The following DOCK2 variants were observed in gnomAD, a reference collection of about 807,000 sequenced individuals.
The protein encoded by DOCK2 is dedicator of cytokinesis protein 2.
In DOCK2, 87 loss-of-function variants were observed where a neutral mutation model predicts 248.9. That is an observed-to-expected ratio of 0.35 (90% CI 0.29 to 0.42). The LOEUF (loss-of-function observed/expected upper bound fraction) is 0.42, where lower values mean the gene tolerates loss of function less well. DOCK2 is among the 10% of genes least tolerant of loss of function. The probability of loss-of-function intolerance (pLI) is 1.00; values close to 1 mark genes in which losing one functional copy is unlikely to be tolerated. For missense variants in DOCK2, 1,747 were observed against 2,300.2 expected (o/e 0.76, Z 4.92); for synonymous variants, 805 against 821.6 (o/e 0.98, Z 0.35).
At chr5:169,772,138 T>C (rs1366066464) in intron 25 of DOCK2, among the ~76,000 whole-genome samples, 1 of 152,184 alleles carries the variant, frequency 6.6e-6, no homozygotes, top group Non-Finnish European at 1.5e-5. Context: ...GGATTCAGTC[T>C]CTGGTCCACA....
intron 32 of DOCK2, among the ~76,000 whole-genome samples, chr5:170,011,453 A>T (rs1213930788): frequency 6.7e-6 from 1 of 149,636 alleles, no homozygotes; most frequent in Non-Finnish European, 1.5e-5. Context: ...TAATGCAATT[A>T]AAAGATACAT....
chr5:169,925,352 T>A (rs368987247), intron 27 of DOCK2, among the ~76,000 whole-genome samples: 1 of 152,098 alleles, frequency 6.6e-6, no homozygotes, highest in East Asian at 1.9e-4. Context: ...GAGGCTGAGG[T>A]GGGCAGATCA....
intron 27 of DOCK2, chr5:169,883,089 G>T (rs901991820): frequency 6.4e-7 from 1 of 1,551,538 alleles, no homozygotes; most frequent in Non-Finnish European, 8.7e-7. Context: ...GTTCCTCTGT[G>T]CCTGGTGTGT....
At chr5:169,738,528 G>A (rs1388173790) in intron 22 of DOCK2, among the ~76,000 whole-genome samples, 1 of 152,224 alleles carries the variant, frequency 6.6e-6, no homozygotes, top group Non-Finnish European at 1.5e-5. Context: ...CCTTTAGGCT[G>A]TGCTTGGAAA....
At chr5:169,800,148 A>C (rs531766580) in intron 25 of DOCK2, among the ~76,000 whole-genome samples, 3 of 152,336 alleles carry the variant, frequency 2.0e-5, no homozygotes, top group African/African-American at 7.2e-5. Context: ...GTGTCATTAA[A>C]GCTGTGGCCT....
At chr5:169,898,869 G>A (rs1205149129) in intron 27 of DOCK2, among the ~76,000 whole-genome samples, 1 of 152,198 alleles carries the variant, frequency 6.6e-6, no homozygotes, top group African/African-American at 2.4e-5. Flanking sequence ...GTTGTGTAAA[G>A]CAGCAAGTCA....
Position 169,655,031 on chromosome 5 carries a change from G to A in DOCK2, c.127+545G>A, listed in dbSNP as rs549110389. On this transcript the variant is annotated intron_variant, in intron 2 of 51. Transcript: ENST00000520908. ...TGAAGCCAGGTGTCTACTGGGCTGCGTCCACCCATGGTGGTGTGCTTGTAG... is the reference window on the plus strand; with the variant it reads ...TGAAGCCAGGTGTCTACTGGGCTGCATCCACCCATGGTGGTGTGCTTGTAG... Among the ~76,000 whole-genome samples, 40 of 152,362 alleles carry A rather than the reference G, an allele frequency of 2.6e-4. 3 individuals are homozygous for A. The South Asian group carries it at 7.0e-3, about 27-fold the overall frequency.
intron 30 of DOCK2, among the ~76,000 whole-genome samples, chr5:170,005,071 A>T (rs936657859): frequency 7.2e-5 from 11 of 151,864 alleles, no homozygotes; most frequent in African/African-American, 2.4e-4. Flanking sequence ...GTATAATAAA[A>T]AAAAAAAAAA....
chr5:169,914,650 T>C (rs542494384), intron 27 of DOCK2, among the ~76,000 whole-genome samples: 1 of 152,342 alleles, frequency 6.6e-6, no homozygotes, highest in South Asian at 2.1e-4. Flanking sequence ...GAAAACAACC[T>C]GGATTTCTGG....
intron 27 of DOCK2, chr5:169,881,566 C>T: frequency 1.4e-6 from 1 of 700,400 alleles, no homozygotes; most frequent in Admixed American, 2.2e-5. Context: ...GTTGCACGGC[C>T]ATTACAAATA....
chr5:169,874,393 A>G (rs964470026), intron 27 of DOCK2, among the ~76,000 whole-genome samples: 4 of 138,860 alleles, frequency 2.9e-5, no homozygotes, highest in African/African-American at 1.1e-4. Context: ...AGCCTAGGCG[A>G]CAGTGAGACT....
At chr5:169,990,900 A>G (rs1778190092) in intron 29 of DOCK2, among the ~76,000 whole-genome samples, 1 of 152,192 alleles carries the variant, frequency 6.6e-6, no homozygotes. Flanking sequence ...TCAGCCTCAT[A>G]TCCTCCTGCC....
chr5:170,037,932 C>T (rs914876147), intron 36 of DOCK2, among the ~76,000 whole-genome samples: 4 of 152,196 alleles, frequency 2.6e-5, no homozygotes, highest in African/African-American at 7.2e-5. Flanking sequence ...TTCAAGTCTA[C>T]GCTCACTCTG....
At chr5:169,928,289 G>A (rs750796255) in intron 27 of DOCK2, among the ~76,000 whole-genome samples, 9 of 152,100 alleles carry the variant, frequency 5.9e-5, no homozygotes, top group Non-Finnish European at 1.2e-4. Context: ...GGGCCAGCCT[G>A]TTCTTGCCCA....
intron 27 of DOCK2, among the ~76,000 whole-genome samples, chr5:169,959,866 G>A (rs1191909430): frequency 1.3e-5 from 2 of 152,208 alleles, no homozygotes; most frequent in Non-Finnish European, 2.9e-5. Context: ...AAGAGGTTTG[G>A]CCAGGAAAAG....
At chr5:169,709,681 A>G (rs1332725220) in intron 15 of DOCK2, among the ~76,000 whole-genome samples, 4 of 152,202 alleles carry the variant, frequency 2.6e-5, no homozygotes, top group African/African-American at 9.7e-5. Context: ...AGATTGCACC[A>G]CTGCACTCCA....
intron 27 of DOCK2, among the ~76,000 whole-genome samples, chr5:169,949,286 T>C (rs1776565822): frequency 6.6e-6 from 1 of 152,158 alleles, no homozygotes; most frequent in Admixed American, 6.5e-5. Flanking sequence ...TGTTCTTTAC[T>C]TCCCAGGAGG....
At chr5:170,067,822 G>T in intron 45 of DOCK2, 136 bp downstream of exon 45, 1 of 957,182 alleles carries the variant, frequency 1.0e-6, no homozygotes, top group Admixed American at 2.7e-5. Context: ...CCTCAGCTTG[G>T]TTGGCCCTCA....
At chr5:169,711,032 T>C (rs977333295) in intron 15 of DOCK2, among the ~76,000 whole-genome samples, 3 of 152,182 alleles carry the variant, frequency 2.0e-5, no homozygotes, top group African/African-American at 7.2e-5. Context: ...AAGAATGAAT[T>C]GGCTGCAGTT....
Sources: allele counts gnomAD v4.1 joint callset (sites outside exome capture counted in the v4.1 genomes callset), GRCh38; gene constraint gnomAD v4.1.1; transcripts MANE v1.5; gene names NCBI Gene and HGNC (gene_info 2026-07-23, HGNC 2026-07-21).